The following NLRP4 variants were observed in gnomAD, a reference collection of about 807,000 sequenced individuals.
NLRP4 encodes the protein NLR family pyrin domain containing 4.
A neutral mutation model predicts 84.7 loss-of-function variants in NLRP4; 44 were observed. The observed-to-expected ratio is 0.52, with a 90% CI of 0.41 to 0.67. The LOEUF is 0.67. Among genes scored for constraint, NLRP4 ranks in the 30% least tolerant of loss-of-function variants. The probability of loss-of-function intolerance (pLI) is 0.00; values close to 1 mark genes in which losing one functional copy is unlikely to be tolerated. For synonymous variants in NLRP4, 544 were observed against 476.4 expected (o/e 1.14, Z -1.85); for missense variants, 1,260 against 1,219.4 (o/e 1.03, Z -0.50).
intron 7 of NLRP4, among the ~76,000 whole-genome samples, chr19:55,871,825 T>A: frequency 6.6e-6 from 1 of 151,026 alleles, no homozygotes. Flanking sequence ...TAAAAGCATC[T>A]AGAAGCTAAA....
At chr19:55,853,682 T>C (rs1214356073) in intron 2 of NLRP4, among the ~76,000 whole-genome samples, 1 of 152,156 alleles carries the variant, frequency 6.6e-6, no homozygotes, top group African/African-American at 2.4e-5. Context: ...AGTGCTGGGA[T>C]TACAGGCCTG....
intron 1 of NLRP4, among the ~76,000 whole-genome samples, chr19:55,845,864 T>G: frequency 8.5e-6 from 1 of 117,532 alleles, no homozygotes; most frequent in Admixed American, 7.6e-5. Flanking sequence ...GCCCACTTTT[T>G]GATGGGGTTG....
In NLRP4 at chr19:55,852,218, G is replaced by T. The variant is rs765484946; in HGVS notation, c.138G>T (p.Glu46Asp). The change falls in exon 2 of 10, where the codon GAG becomes GAT. Residue 46 changes from glutamate (E) to aspartate (D), a missense_variant. This residue lies in a region of NLRP4 where 712 missense variants were observed against 669.2 expected (regional missense o/e 1.06). Transcript: ENST00000301295. ...QLELKQIPWT[E>D]VKKASREELA... Reference sequence around the variant, plus strand: ...AACTCAAGCAGATTCCCTGGACTGAGGTCAAAAAAGCATCCCGGGAAGAAC... The same window carrying T: ...AACTCAAGCAGATTCCCTGGACTGATGTCAAAAAAGCATCCCGGGAAGAAC... 3 of 1,608,838 alleles carry T rather than the reference G, an allele frequency of 1.9e-6. No individual in the cohort carries two copies. Among genetic ancestry groups the T allele is most frequent in the Non-Finnish European group, 2.5e-6 (3 of 1,178,704 alleles).
chr19:55,880,752 C>T (rs1455244207), intron 9 of NLRP4, among the ~76,000 whole-genome samples: 1 of 150,206 alleles, frequency 6.7e-6, no homozygotes. Flanking sequence ...AATGATACAA[C>T]GTATGGGGGC....
intron 2 of NLRP4, among the ~76,000 whole-genome samples, chr19:55,853,445 T>C (rs1369197726): frequency 6.6e-6 from 1 of 152,206 alleles, no homozygotes; most frequent in Non-Finnish European, 1.5e-5. Context: ...CAGGGTGGAG[T>C]GCCGTGGCAT....
Position 55,849,953 on chromosome 19 carries a change from G to T in NLRP4, c.-65-2063G>T, listed in dbSNP as rs893819334. On this transcript the variant is annotated intron_variant, in intron 1 of 9. Coordinates refer to ENST00000301295, the MANE Select transcript of NLRP4 (RefSeq NM_134444.5). Reference sequence around the variant, plus strand: ...TCCGTAGCCGCGGTGTAATTTCCGAGACTGCGGTGTAATTTCCGTAGCTGC... The same window carrying T: ...TCCGTAGCCGCGGTGTAATTTCCGATACTGCGGTGTAATTTCCGTAGCTGC... Among the ~76,000 whole-genome samples the T allele has an allele frequency of 1.7e-3, 156 of 94,012 alleles. 1 individual carries two copies. The highest frequency in any genetic ancestry group is 6.2e-3 in the Middle Eastern group (1 of 162). The allele number at this position is 94,012 out of a possible 152,430, so 61.7% of individuals were successfully genotyped here.
rs541829710 is a variant in NLRP4, at chr19:55,854,130, C to T, written c.280+1770C>T. On this transcript the variant is annotated intron_variant, in intron 2 of 9. Transcript: ENST00000301295. ...GATTTCAGATGCCCGCCACCACACCCGGCTAATTTTTTTGTATTTTTAGTA... is the reference window on the plus strand; with the variant it reads ...GATTTCAGATGCCCGCCACCACACCTGGCTAATTTTTTTGTATTTTTAGTA... Among the ~76,000 whole-genome samples, 20 of 152,072 alleles carry T rather than the reference C, an allele frequency of 1.3e-4. 1 individual carries two copies. Among genetic ancestry groups the T allele is most frequent in the Middle Eastern group, 3.4e-3 (1 of 294 alleles).
intron 1 of NLRP4, among the ~76,000 whole-genome samples, chr19:55,849,833 G>GCTGCGGTGTAATTTCCGAGA (rs1568657850): frequency 8.0e-5 from 12 of 149,684 alleles, no homozygotes; most frequent in South Asian, 4.3e-4. Flanking sequence ...AATTTCCGAA[G>GCTGCGGTGTAATTTCCGAGA]CTGCGGTGTA....
intron 3 of NLRP4, 47 bp from the exon 4 acceptor site, chr19:55,861,339 C>G (rs4801635): frequency 1.3e-6 from 2 of 1,571,840 alleles, no homozygotes; most frequent in East Asian, 2.2e-5. Context: ...ACAAGTGGCT[C>G]GTGTTGACCG....
intron 5 of NLRP4, among the ~76,000 whole-genome samples, chr19:55,865,160 C>T (rs1362596452): frequency 6.6e-6 from 1 of 152,064 alleles, no homozygotes. Flanking sequence ...TCAAGTAGGC[C>T]CTGGTGTCTG....
intron 5 of NLRP4, among the ~76,000 whole-genome samples, chr19:55,866,617 G>A (rs1474569946): frequency 6.6e-6 from 1 of 152,122 alleles, no homozygotes; most frequent in South Asian, 2.1e-4. Flanking sequence ...AGGAGTCCTA[G>A]GGGACTCGGG....
intron 1 of NLRP4, among the ~76,000 whole-genome samples, chr19:55,849,728 T>C (rs1288206283): frequency 1.3e-5 from 2 of 152,234 alleles, no homozygotes; most frequent in Non-Finnish European, 2.9e-5. Flanking sequence ...TTTCTATATT[T>C]ACAGTGTAAT....
At position 55,852,057 on chromosome 19, in the gene NLRP4, A is replaced by C; in HGVS notation, c.-24A>C. On this transcript the variant is annotated 5_prime_UTR_variant, in exon 2 of 10. Coordinates refer to ENST00000301295, the MANE Select transcript of NLRP4 (RefSeq NM_134444.5). ...GTTCCTGGTCACTGTCTCTTTGAGG[A>C]TTGGTATCTCTGCTCCAGAAAAGAT... The C allele has an allele frequency of 6.4e-7, 1 of 1,567,894 alleles. No homozygotes were observed.
chr19:55,858,037 C>T lies in NLRP4; in HGVS notation c.644C>T (p.Pro215Leu). ...ISREWPDPAA[P>L]ITEIVSQPER... is the part of the protein sequence containing the mutation. The stretch of plus-strand genomic sequence containing the variant: ...AGAGAGTGGCCTGACCCCGCTGCTC[C>T]TATAACAGAGATCGTGTCTCAACCG... The change falls in exon 3 of 10, where the codon CCT becomes CTT. Residue 215 changes from proline to leucine, a missense_variant. Coordinates refer to ENST00000301295, the MANE Select transcript of NLRP4 (RefSeq NM_134444.5). The surrounding 1 kb of genome is among the most constrained non-coding windows in gnomAD (Gnocchi z 4.2). 1 of 1,614,168 alleles carries T rather than the reference C, an allele frequency of 6.2e-7. No individual in the cohort carries two copies. The highest frequency in any genetic ancestry group is 8.5e-7 in the Non-Finnish European group (1 of 1,180,034).
chr19:55,848,088 G>A (rs1983869118), intron 1 of NLRP4, among the ~76,000 whole-genome samples: 1 of 152,096 alleles, frequency 6.6e-6, no homozygotes, highest in South Asian at 2.1e-4. Flanking sequence ...TCTCCATTGA[G>A]TTCTCTAAAC....
At chr19:55,837,207 C>T (rs939962871) in intron 1 of NLRP4, among the ~76,000 whole-genome samples, 2 of 152,044 alleles carry the variant, frequency 1.3e-5, no homozygotes, top group African/African-American at 4.8e-5. Flanking sequence ...CATTCAGAAT[C>T]CTCTCCTTAG....
chr19:55,851,286 TG>T (rs1984124068), intron 1 of NLRP4, among the ~76,000 whole-genome samples: 1 of 48,124 alleles, frequency 2.1e-5, no homozygotes, highest in Non-Finnish European at 3.3e-5. Context: ...TGCGGTGTAA[TG>T]TCCGTGGCTG....
chr19:55,856,560 C>T (rs578012265), intron 2 of NLRP4, among the ~76,000 whole-genome samples: 18 of 141,322 alleles, frequency 1.3e-4, no homozygotes, highest in Non-Finnish European at 2.6e-4. Flanking sequence ...CTGTTGCCCA[C>T]GTTAGAGTAC....
At chr19:55,852,476 GTTT>G (rs11301833) in intron 2 of NLRP4, 116 bp downstream of exon 2, 4,517 of 437,890 alleles carry the variant, frequency 0.01, no homozygotes, top group East Asian at 0.015. Flanking sequence ...AAAATATTAG[GTTT>G]TTTTTTTTTT....
Sources: allele counts gnomAD v4.1 joint callset (sites outside exome capture counted in the v4.1 genomes callset), GRCh38; gene constraint gnomAD v4.1.1; regional missense constraint gnomAD v4.1.1; non-coding constraint Gnocchi (gnomAD v3.1); transcripts MANE v1.5; gene names NCBI Gene and HGNC (gene_info 2026-07-23, HGNC 2026-07-21).